MARK3: variants seen among roughly 807,000 people sequenced by gnomAD.
MARK3 encodes the protein MAP/microtubule affinity-regulating kinase 3.
A neutral mutation model predicts 90.1 loss-of-function variants in MARK3; 46 were observed. That is an observed-to-expected ratio of 0.51 (90% CI 0.40 to 0.65). MARK3 has a LOEUF of 0.65. MARK3 is among the 30% of genes least tolerant of loss of function. The probability of loss-of-function intolerance (pLI) is 0.00; values close to 1 mark genes in which losing one functional copy is unlikely to be tolerated. For synonymous variants in MARK3, 321 were observed against 332.6 expected (o/e 0.97, Z 0.38); for missense variants, 818 against 947.2 (o/e 0.86, Z 1.79).
intron 1 of MARK3, among the ~76,000 whole-genome samples, chr14:103,404,271 G>C (rs1428572120): frequency 1.3e-5 from 2 of 152,170 alleles, no homozygotes. Flanking sequence ...ACGTGTAAAG[G>C]GGGTGGAAAG....
In MARK3 at chr14:103,420,865, C is replaced by T. The variant is rs139008205; in HGVS notation, c.244-7522C>T. The stretch of plus-strand genomic sequence containing the variant: ...GCTTTCTTTTTTTCAGTCTTTGTGC[C>T]GTAAACCAGTGTCTTTTTTGTGATC... On this transcript the variant is annotated intron_variant, in intron 2 of 17. Transcript: ENST00000429436. 3.5e-3 allele frequency among the ~76,000 whole-genome samples: 526 copies of T among 152,076 alleles called. 4 individuals carry two copies. The highest frequency in any genetic ancestry group is 0.031 in the East Asian group (160 of 5,174).
intron 3 of MARK3, among the ~76,000 whole-genome samples, chr14:103,435,454 G>T (rs1430839048): frequency 9.2e-5 from 14 of 152,050 alleles, no homozygotes; most frequent in African/African-American, 3.1e-4. Context: ...TGTCACCCAG[G>T]CTGGAGTGCA....
intron 2 of MARK3, among the ~76,000 whole-genome samples, chr14:103,415,758 A>C (rs188395978): frequency 3.0e-4 from 46 of 152,362 alleles, no homozygotes; most frequent in African/African-American, 1.0e-3. Context: ...TTCCTAAAGT[A>C]ATGCATGCAC....
At chr14:103,390,247 C>CA (rs887515916) in intron 1 of MARK3, among the ~76,000 whole-genome samples, 4 of 151,076 alleles carry the variant, frequency 2.6e-5, no homozygotes, top group Admixed American at 6.6e-5. Flanking sequence ...GACTCCATCT[C>CA]AAAAAAAAAG....
At chr14:103,448,793 T>G in intron 3 of MARK3, 126 bp from the exon 4 acceptor site, 1 of 920,470 alleles carries the variant, frequency 1.1e-6, no homozygotes, top group Non-Finnish European at 1.6e-6. Context: ...TAGATATGGA[T>G]TAATAAACAT....
intron 6 of MARK3, among the ~76,000 whole-genome samples, chr14:103,457,850 A>C (rs974121508): frequency 2.0e-5 from 3 of 152,228 alleles, no homozygotes; most frequent in African/African-American, 7.2e-5. Context: ...AAATAAGACA[A>C]CTGAGACATG....
intron 1 of MARK3, among the ~76,000 whole-genome samples, chr14:103,401,949 A>C (rs1340700769): frequency 3.3e-5 from 5 of 152,186 alleles, no homozygotes; most frequent in African/African-American, 1.2e-4. Context: ...AAGGACATTC[A>C]AACTAAGGGA....
chr14:103,460,184 C>A (rs10139205), intron 6 of MARK3, among the ~76,000 whole-genome samples: 4,153 of 142,098 alleles, frequency 0.029, 211 homozygotes, highest in African/African-American at 0.1. Context: ...CCCCTGGGTT[C>A]ACGCCATTCT....
intron 5 of MARK3, among the ~76,000 whole-genome samples, chr14:103,455,585 G>A (rs1161057555): frequency 5.9e-5 from 9 of 151,950 alleles, no homozygotes; most frequent in African/African-American, 4.8e-5. Context: ...AAAATTAGCC[G>A]GGTGTGGTGA....
intron 2 of MARK3, 55 bp downstream of exon 2, chr14:103,405,322 G>T (rs2140685375): frequency 4.5e-6 from 6 of 1,326,770 alleles, no homozygotes; most frequent in East Asian, 2.6e-5. Flanking sequence ...TTATTTCCAT[G>T]TAAGAGAAAG....
intron 3 of MARK3, among the ~76,000 whole-genome samples, chr14:103,447,575 C>T (rs1460181535): frequency 6.6e-6 from 1 of 152,130 alleles, no homozygotes; most frequent in African/African-American, 2.4e-5. Flanking sequence ...CTTTTTCTTT[C>T]TTTTCCTGGT....
intron 15 of MARK3, among the ~76,000 whole-genome samples, chr14:103,497,461 C>T (rs899476459): frequency 6.6e-6 from 1 of 152,158 alleles, no homozygotes; most frequent in African/African-American, 2.4e-5. Context: ...AAACCTCATT[C>T]GTAGTTTGAA....
intron 3 of MARK3, among the ~76,000 whole-genome samples, chr14:103,430,510 G>C (rs372950532): frequency 6.6e-6 from 1 of 151,986 alleles, no homozygotes; most frequent in African/African-American, 2.4e-5. Flanking sequence ...TTCAGGAACA[G>C]CTCTCTTAGA....
intron 14 of MARK3, among the ~76,000 whole-genome samples, chr14:103,483,925 G>T (rs1445166027): frequency 1.3e-5 from 2 of 152,194 alleles, no homozygotes; most frequent in Admixed American, 1.3e-4. Context: ...ACAAATGTTA[G>T]CTTTCATTAT....
At chr14:103,390,780 C>T (rs953982064) in intron 1 of MARK3, among the ~76,000 whole-genome samples, 9 of 152,212 alleles carry the variant, frequency 5.9e-5, no homozygotes, top group Non-Finnish European at 1.2e-4. Flanking sequence ...GCAATCACAG[C>T]TTGCTGTAAC....
chr14:103,493,746 G>A (rs2075146819), intron 15 of MARK3, among the ~76,000 whole-genome samples: 1 of 150,444 alleles, frequency 6.6e-6, no homozygotes, highest in Non-Finnish European at 1.5e-5. Context: ...ATGGTGGTGG[G>A]CGCCTGGAGT....
At chr14:103,470,884 G>A (rs2093615449) in intron 12 of MARK3, among the ~76,000 whole-genome samples, 1 of 152,130 alleles carries the variant, frequency 6.6e-6, no homozygotes, top group Non-Finnish European at 1.5e-5. Context: ...GATTACACTT[G>A]GCTTGATTTC....
rs753016694 is a variant in MARK3, at chr14:103,503,243, G to A, written c.*16G>A. On this transcript the variant is annotated 3_prime_UTR_variant, in exon 18 of 18. Coordinates refer to ENST00000429436, the MANE Select transcript of MARK3 (RefSeq NM_001128918.3). ...AAAGCTGTAACCCAGTGATTATGAT[G>A]TAAATTAAGTAGCAATTAAAGTGTT... The A allele has an allele frequency of 3.8e-6, 6 of 1,574,038 alleles. No individual in the cohort carries two copies. In the African/African-American group the frequency reaches 5.4e-5, roughly 14 times the overall value.
intron 14 of MARK3, chr14:103,491,445 G>A (rs760408491): frequency 7.6e-6 from 2 of 262,708 alleles, no homozygotes; most frequent in Non-Finnish European, 1.5e-5. Flanking sequence ...TTTCGTATTG[G>A]CACAGTTCTC....
Sources: gnomAD v4.1 joint callset for allele counts (sites outside exome capture counted in the v4.1 genomes callset) on GRCh38, gnomAD v4.1.1 for gene constraint, MANE v1.5 for transcripts, NCBI Gene and HGNC (gene_info 2026-07-23, HGNC 2026-07-21) for gene names.